The following OXCT1 variants were observed in gnomAD, a reference collection of about 807,000 sequenced individuals.
OXCT1 encodes 3-oxoacid CoA-transferase 1.
In OXCT1, 27 loss-of-function variants were observed where a neutral mutation model predicts 69.6. That is an observed-to-expected ratio of 0.39 (90% CI 0.29 to 0.54). The LOEUF is 0.54. OXCT1 is among the 20% of genes least tolerant of loss of function. OXCT1 has a pLI of 0.72. For synonymous variants in OXCT1, 202 were observed against 217.8 expected, an observed-to-expected ratio of 0.93 and a Z score of 0.64; for missense variants, 437 against 650.2, an observed-to-expected ratio of 0.67 and a Z score of 3.57.
At chr5:41,778,798 A>G (rs957958126) in intron 13 of OXCT1, among the ~76,000 whole-genome samples, 11 of 152,208 alleles carry the variant, frequency 7.2e-5, no homozygotes, top group African/African-American at 2.7e-4. Context: ...TATAAATTTA[A>G]TTGTATTCCT....
At chr5:41,763,522 A>G (rs1446976940) in intron 13 of OXCT1, among the ~76,000 whole-genome samples, 1 of 152,188 alleles carries the variant, frequency 6.6e-6, no homozygotes, top group Non-Finnish European at 1.5e-5. Flanking sequence ...TTGATATCGT[A>G]CAAAATATAA....
At position 41,862,769 on chromosome 5, in the gene OXCT1, A is replaced by G; in HGVS notation, c.79-19T>C. On this transcript the variant is annotated intron_variant, in intron 1 of 16. Coordinates refer to ENST00000196371, the MANE Select transcript of OXCT1 (RefSeq NM_000436.4). ...CACATCCCTGAAATATTAAAAAAAA[A>G]AAATTGATAATCATTTGGAGATACA... The G allele has an allele frequency of 6.9e-7, 1 of 1,450,994 alleles. No individual in the cohort carries two copies. 89.9% of individuals were successfully genotyped at this position (1,450,994 alleles called of 1,614,324 possible). A position where few individuals can be genotyped will look rare whatever the true frequency, so the allele number is the denominator to read the frequency against.
chr5:41,813,323 T>G (rs1352182606), intron 7 of OXCT1, among the ~76,000 whole-genome samples: 1 of 152,098 alleles, frequency 6.6e-6, no homozygotes, highest in African/African-American at 2.4e-5. Flanking sequence ...CATAAGTATA[T>G]GGTGGCTTGA....
intron 9 of OXCT1, among the ~76,000 whole-genome samples, chr5:41,803,804 TTGAATTGTCTTCCTTAAA>T (rs999716446): frequency 1.3e-5 from 2 of 152,076 alleles, no homozygotes; most frequent in Non-Finnish European, 2.9e-5. Flanking sequence ...AATGAGGTTG[TTGAATTGTCTTCCTTAAA>T]TGATCAAAAC....
chr5:41,812,271 G>T (rs1747021254), intron 7 of OXCT1, among the ~76,000 whole-genome samples: 1 of 151,930 alleles, frequency 6.6e-6, no homozygotes, highest in Non-Finnish European at 1.5e-5. Flanking sequence ...GGTCTTTGAA[G>T]AAAAAAATTC....
chr5:41,846,229 C>T (rs995994039), intron 5 of OXCT1, among the ~76,000 whole-genome samples: 3 of 150,276 alleles, frequency 2.0e-5, no homozygotes, highest in East Asian at 2.0e-4. Flanking sequence ...GTGCTGCACC[C>T]ACTAACTCGT....
In OXCT1 at chr5:41,805,554, G is replaced by C; in HGVS notation, c.955+13C>G. ...GCTATGTCTTTGCCCGGGCTCAGAA[G>C]GATAAAGGATACCATACATGCCATC... On this transcript the variant is annotated intron_variant, in intron 9 of 16. Transcript: ENST00000196371. 5 of 1,569,232 alleles carry C rather than the reference G, an allele frequency of 3.2e-6. No individual in the cohort carries two copies. The highest frequency in any genetic ancestry group is 4.4e-6 in the Non-Finnish European group (5 of 1,139,500).
At chr5:41,864,781 C>T (rs918591180) in intron 1 of OXCT1, among the ~76,000 whole-genome samples, 2 of 152,188 alleles carry the variant, frequency 1.3e-5, no homozygotes, top group African/African-American at 4.8e-5. Flanking sequence ...TGAAACCTCT[C>T]ATACTCCACT....
chr5:41,854,217 T>C (rs936661058), intron 3 of OXCT1, among the ~76,000 whole-genome samples: 4 of 152,156 alleles, frequency 2.6e-5, no homozygotes, highest in Non-Finnish European at 5.9e-5. Context: ...GAGTGTTAAG[T>C]GGAAACAATA....
chr5:41,870,167 G>A lies in OXCT1; in HGVS notation c.78+114C>T. On this transcript the variant is annotated intron_variant, in intron 1 of 16. Coordinates refer to ENST00000196371, the MANE Select transcript of OXCT1 (RefSeq NM_000436.4). The surrounding 1 kb of genome is among the most constrained non-coding windows in gnomAD (Gnocchi z 4.2). ...GTGACCAGGGCACCGCGCCACGGAT[G>A]CCAGATCCCAGGCTGGAGAGAGCGG... The A allele has an allele frequency of 1.2e-6, 1 of 861,314 alleles. No homozygotes were observed. 53.4% of individuals were successfully genotyped at this position (861,314 alleles called of 1,614,324 possible).
intron 13 of OXCT1, among the ~76,000 whole-genome samples, chr5:41,787,504 T>A (rs560620370): frequency 6.6e-6 from 1 of 151,160 alleles, no homozygotes; most frequent in Non-Finnish European, 1.5e-5. Context: ...AGAAAGGAGG[T>A]CATTATACAG....
intron 3 of OXCT1, among the ~76,000 whole-genome samples, chr5:41,856,490 T>C (rs1379344142): frequency 6.6e-6 from 1 of 152,136 alleles, no homozygotes; most frequent in Non-Finnish European, 1.5e-5. Context: ...ACTCTCATAC[T>C]CCTCACACCG....
intron 11 of OXCT1, among the ~76,000 whole-genome samples, chr5:41,799,298 T>C (rs1561085759): frequency 6.6e-6 from 1 of 152,180 alleles, no homozygotes; most frequent in Non-Finnish European, 1.5e-5. Flanking sequence ...CTTAAAGTAT[T>C]TCCTAATTTA....
chr5:41,766,539 C>T (rs1490311983), intron 13 of OXCT1, among the ~76,000 whole-genome samples: 2 of 144,286 alleles, frequency 1.4e-5, no homozygotes, highest in African/African-American at 2.6e-5. Context: ...AAAGTCAACA[C>T]ATCAAAGTAT....
intron 13 of OXCT1, among the ~76,000 whole-genome samples, chr5:41,784,060 T>C (rs1745535538): frequency 6.6e-6 from 1 of 152,216 alleles, no homozygotes; most frequent in Non-Finnish European, 1.5e-5. Context: ...CTTTTGTTCC[T>C]TTCGGATCTT....
intron 14 of OXCT1, among the ~76,000 whole-genome samples, chr5:41,751,329 A>G (rs1743776848): frequency 6.6e-6 from 1 of 152,178 alleles, no homozygotes; most frequent in Non-Finnish European, 1.5e-5. Context: ...TACATCTGGC[A>G]TGAGAGCAGC....
intron 3 of OXCT1, among the ~76,000 whole-genome samples, chr5:41,860,114 G>C (rs1331676461): frequency 4.0e-5 from 6 of 151,798 alleles, no homozygotes; most frequent in Non-Finnish European, 8.8e-5. Flanking sequence ...CATAAGATAT[G>C]TTTAAGAGTT....
chr5:41,830,091 A>T (rs1309536913), intron 7 of OXCT1, among the ~76,000 whole-genome samples: 4 of 152,212 alleles, frequency 2.6e-5, no homozygotes, highest in Non-Finnish European at 4.4e-5. Flanking sequence ...AATCAATTTT[A>T]AAAAGTCCAA....
intron 15 of OXCT1, among the ~76,000 whole-genome samples, chr5:41,740,952 C>CTTT (rs70988866): frequency 7.3e-6 from 1 of 136,234 alleles, no homozygotes; most frequent in Non-Finnish European, 1.6e-5. Flanking sequence ...GGCCTAGAAT[C>CTTT]TTTTTTTTTT....
Sources: allele counts gnomAD v4.1 joint callset (sites outside exome capture counted in the v4.1 genomes callset), GRCh38; gene constraint gnomAD v4.1.1; non-coding constraint Gnocchi (gnomAD v3.1); transcripts MANE v1.5; gene names NCBI Gene and HGNC (gene_info 2026-07-23, HGNC 2026-07-21).